KCNH7: variants seen among roughly 807,000 people sequenced by gnomAD.
KCNH7 encodes the protein potassium voltage-gated channel subfamily H member 7.
A neutral mutation model predicts 120.8 loss-of-function variants in KCNH7; 49 were observed. That is an observed-to-expected ratio of 0.41 (90% CI 0.32 to 0.51). KCNH7 has a LOEUF of 0.51. Ranked by LOEUF, KCNH7 falls within the 20% of genes least tolerant of loss-of-function variation. The probability of loss-of-function intolerance (pLI) is 0.38; values close to 1 mark genes in which losing one functional copy is unlikely to be tolerated. For missense variants in KCNH7, 1,097 were observed against 1,446.6 expected, an observed-to-expected ratio of 0.76 and a Z score of 3.92; for synonymous variants, 547 against 516.1, an observed-to-expected ratio of 1.06 and a Z score of -0.81.
chr2:162,777,386 C>CA (rs60492523), intron 2 of KCNH7, among the ~76,000 whole-genome samples: 42,526 of 151,806 alleles, frequency 0.28, 6,901 homozygotes, highest in African/African-American at 0.45. Context: ...ATGACAAGAG[C>CA]AAAAGTCTGT....
At chr2:162,465,297 G>A (rs1409633318) in intron 6 of KCNH7, among the ~76,000 whole-genome samples, 2 of 152,096 alleles carry the variant, frequency 1.3e-5, no homozygotes, top group Non-Finnish European at 2.9e-5. Flanking sequence ...AATTGTTACT[G>A]CACTATTTAT....
chr2:162,716,088 G>A (rs1215222675), intron 2 of KCNH7, among the ~76,000 whole-genome samples: 1 of 151,928 alleles, frequency 6.6e-6, no homozygotes, highest in East Asian at 1.9e-4. Flanking sequence ...TATTCTAAAA[G>A]TTTCAAAATA....
chr2:162,768,777 T>C (rs778579379), intron 2 of KCNH7, among the ~76,000 whole-genome samples: 2 of 138,942 alleles, frequency 1.4e-5, no homozygotes, highest in African/African-American at 5.9e-5. Flanking sequence ...TGGTTCCCCA[T>C]GTCGAATCGC....
intron 2 of KCNH7, among the ~76,000 whole-genome samples, chr2:162,820,033 CTTTTTTTTTTTTT>C (rs66809770): frequency 1.3e-5 from 1 of 77,040 alleles, no homozygotes; most frequent in Non-Finnish European, 2.4e-5. Flanking sequence ...ATTCCATAAA[CTTTTTTTTTTTTT>C]TTTTTTTTTT....
chr2:162,745,872 GA>G lies in KCNH7; in HGVS notation c.307+90664del, dbSNP rs1290564628. The stretch of plus-strand genomic sequence containing the variant: ...TTCCCAGTTGATGTTTAGATTTAAA[GA>G]AAAAAAAGTATTAAGGAGCACTTCA... On this transcript the variant is annotated intron_variant, in intron 2 of 15. Coordinates refer to ENST00000332142, the MANE Select transcript of KCNH7 (RefSeq NM_033272.4). Among the ~76,000 whole-genome samples the G allele has an allele frequency of 1.5e-4, 23 of 150,316 alleles. 1 individual carries two copies. The highest frequency in any genetic ancestry group is 2.1e-4 in the Non-Finnish European group (14 of 67,526).
chr2:162,435,935 G>T (rs971363391), intron 7 of KCNH7, among the ~76,000 whole-genome samples: 2 of 151,970 alleles, frequency 1.3e-5, no homozygotes, highest in Admixed American at 1.3e-4. Flanking sequence ...GCCTACTAAC[G>T]CCACAGGCTG....
chr2:162,520,384 T>G (rs1010511928), intron 3 of KCNH7, among the ~76,000 whole-genome samples: 1 of 151,760 alleles, frequency 6.6e-6, no homozygotes, highest in African/African-American at 2.4e-5. Flanking sequence ...CTGGTTCACA[T>G]AATTTCTTGC....
intron 2 of KCNH7, among the ~76,000 whole-genome samples, chr2:162,612,151 G>T (rs1229901808): frequency 6.6e-6 from 1 of 152,148 alleles, no homozygotes; most frequent in Non-Finnish European, 1.5e-5. Flanking sequence ...AAAAATGGAT[G>T]AGAAATGATC....
intron 2 of KCNH7, among the ~76,000 whole-genome samples, chr2:162,634,145 T>C (rs2105222969): frequency 6.6e-6 from 1 of 152,240 alleles, no homozygotes; most frequent in Non-Finnish European, 1.5e-5. Context: ...CTGTGTACTA[T>C]AAGGACATTG....
chr2:162,670,896 A>AT (rs1685328231), intron 2 of KCNH7, among the ~76,000 whole-genome samples: 1 of 152,140 alleles, frequency 6.6e-6, no homozygotes, highest in Non-Finnish European at 1.5e-5. Context: ...AGAAGTGAAA[A>AT]TACAAGTTAA....
In KCNH7 at chr2:162,700,534, G is replaced by A. The variant is rs1483377421; in HGVS notation, c.307+136003C>T. ...CTTAAATATGATGAGACTGCCATTCGTTGCTCTACTAGACAACCAATCAAG... is the reference window on the plus strand; with the variant it reads ...CTTAAATATGATGAGACTGCCATTCATTGCTCTACTAGACAACCAATCAAG... On this transcript the variant is annotated intron_variant, in intron 2 of 15. Transcript: ENST00000332142. Among the ~76,000 whole-genome samples the A allele has an allele frequency of 2.6e-5, 4 of 152,026 alleles. No individual in the cohort carries two copies. In the East Asian group the frequency reaches 5.8e-4, roughly 22 times the overall value.
chr2:162,486,850 A>C (rs1037731156), intron 6 of KCNH7, among the ~76,000 whole-genome samples: 1 of 152,212 alleles, frequency 6.6e-6, no homozygotes, highest in Non-Finnish European at 1.5e-5. Context: ...TATATTGGTA[A>C]ATCAATGTTT....
At chr2:162,750,536 A>C (rs932932545) in intron 2 of KCNH7, among the ~76,000 whole-genome samples, 1 of 152,152 alleles carries the variant, frequency 6.6e-6, no homozygotes, top group Non-Finnish European at 1.5e-5. Flanking sequence ...AAAAGAATTA[A>C]TATAAATTAT....
intron 7 of KCNH7, 92 bp downstream of exon 7, chr2:162,445,926 G>A: frequency 1.0e-6 from 1 of 966,806 alleles, no homozygotes; most frequent in East Asian, 2.6e-5. Context: ...GATACAAGAA[G>A]CTTGCAAAGC....
At chr2:162,603,436 A>T (rs1694628256) in intron 2 of KCNH7, among the ~76,000 whole-genome samples, 1 of 152,126 alleles carries the variant, frequency 6.6e-6, no homozygotes, top group East Asian at 1.9e-4. Context: ...CTTTTATTAT[A>T]TGGCAAAGCA....
At chr2:162,478,520 TTTTG>T (rs1199959396) in intron 6 of KCNH7, among the ~76,000 whole-genome samples, 5 of 152,178 alleles carry the variant, frequency 3.3e-5, no homozygotes, top group Admixed American at 2.6e-4. Flanking sequence ...CTGGAAAGTA[TTTTG>T]TTTGTCTATA....
chr2:162,427,511 G>A (rs1687905842), intron 8 of KCNH7, among the ~76,000 whole-genome samples: 1 of 151,748 alleles, frequency 6.6e-6, no homozygotes, highest in Non-Finnish European at 1.5e-5. Context: ...TTTGTGAACT[G>A]TCTTTTCAAA....
chr2:162,718,973 A>G (rs545133979), intron 2 of KCNH7, among the ~76,000 whole-genome samples: 1 of 152,096 alleles, frequency 6.6e-6, no homozygotes, highest in African/African-American at 2.4e-5. Context: ...AAGAATTTGG[A>G]AACAAAATCT....
chr2:162,466,724 G>A (rs538218351), intron 6 of KCNH7, among the ~76,000 whole-genome samples: 1 of 152,256 alleles, frequency 6.6e-6, no homozygotes, highest in Admixed American at 6.5e-5. Context: ...TTTTTCATTT[G>A]AGGACAGGTA....
Sources: gnomAD v4.1 joint callset for allele counts (sites outside exome capture counted in the v4.1 genomes callset) on GRCh38, gnomAD v4.1.1 for gene constraint, MANE v1.5 for transcripts, NCBI Gene and HGNC (gene_info 2026-07-23, HGNC 2026-07-21) for gene names.